Variants in FRMD4A observed in about 807,000 individuals in gnomAD.
FRMD4A encodes FERM domain-containing protein 4A.
FRMD4A carries 29 observed loss-of-function variants against 129.1 expected under a neutral mutation model. The observed-to-expected ratio is 0.22, with a 90% CI of 0.17 to 0.31. The LOEUF (loss-of-function observed/expected upper bound fraction) is 0.31, where lower values mean the gene tolerates loss of function less well. Among genes scored for constraint, FRMD4A ranks in the 10% least tolerant of loss-of-function variants. The pLI, the probability that FRMD4A is intolerant of heterozygous loss-of-function variation, is 1.00. For missense variants in FRMD4A, 1,272 were observed against 1,375.8 expected (o/e 0.92, Z 1.19); for synonymous variants, 634 against 571.6 (o/e 1.11, Z -1.56).
intron 2 of FRMD4A, among the ~76,000 whole-genome samples, chr10:14,157,826 A>G (rs890524756): frequency 6.6e-6 from 1 of 152,188 alleles, no homozygotes; most frequent in African/African-American, 2.4e-5. Flanking sequence ...TGGTGAGTGG[A>G]GATCTAGGAA....
chr10:13,740,441 ACAAT>A, intron 10 of FRMD4A, 67 bp downstream of exon 10: 1 of 980,906 alleles, frequency 1.0e-6, no homozygotes, highest in Non-Finnish European at 1.6e-6. Context: ...GAGGAACTGA[ACAAT>A]CCTGACATAC....
intron 2 of FRMD4A, among the ~76,000 whole-genome samples, chr10:14,217,095 C>T (rs1409898730): frequency 6.6e-6 from 1 of 152,210 alleles, no homozygotes; most frequent in African/African-American, 2.4e-5. Context: ...TGTCACTATA[C>T]TTGATTCAGT....
intron 13 of FRMD4A, among the ~76,000 whole-genome samples, chr10:13,704,164 T>C (rs970609655): frequency 1.3e-5 from 2 of 152,188 alleles, no homozygotes; most frequent in African/African-American, 4.8e-5. Context: ...AAGGCACCAC[T>C]AGGATGTGAA....
chr10:13,982,511 A>C, intron 2 of FRMD4A, among the ~76,000 whole-genome samples: 1 of 144,770 alleles, frequency 6.9e-6, no homozygotes. Flanking sequence ...GGGGGAAGGG[A>C]TCCTCTGACC....
chr10:14,096,615 C>T (rs1251556002), intron 2 of FRMD4A, among the ~76,000 whole-genome samples: 2 of 152,118 alleles, frequency 1.3e-5, no homozygotes, highest in African/African-American at 2.4e-5. Flanking sequence ...AAACATAAAT[C>T]ACCTAAAGAG....
chr10:14,001,142 G>C (rs2095641516), intron 2 of FRMD4A, among the ~76,000 whole-genome samples: 1 of 152,152 alleles, frequency 6.6e-6, no homozygotes, highest in African/African-American at 2.4e-5. Context: ...TGGGGCAGCT[G>C]TTCTCAGTGT....
In FRMD4A at chr10:13,884,176, TCA is replaced by T. The variant is rs1368255816; in HGVS notation, c.46-25266_46-25265del. ...CACTCTCACACACACACTCACACAC[TCA>T]CACACACACACACACACTCACACAC... On this transcript the variant is annotated intron_variant, in intron 2 of 24. Transcript: ENST00000357447. Among the ~76,000 whole-genome samples, 63 of 31,154 alleles carry T rather than the reference TCA, an allele frequency of 2.0e-3. 3 individuals are homozygous for T. Among genetic ancestry groups the T allele is most frequent in the South Asian group, 4.6e-3 (3 of 654 alleles). The allele number at this position is 31,154 out of a possible 152,430, so 20.4% of individuals were successfully genotyped here.
chr10:13,884,198 A>ACACACTCT (rs2094588829), intron 2 of FRMD4A, among the ~76,000 whole-genome samples: 1 of 65,142 alleles, frequency 1.5e-5, no homozygotes, highest in African/African-American at 6.2e-5. Flanking sequence ...ACACACACTC[A>ACACACTCT]CACACACACT....
intron 8 of FRMD4A, among the ~76,000 whole-genome samples, chr10:13,755,868 G>A (rs1168806638): frequency 6.6e-6 from 1 of 152,166 alleles, no homozygotes; most frequent in Non-Finnish European, 1.5e-5. Flanking sequence ...CAAAACCTGA[G>A]TTCTTTTCCT....
chr10:13,976,483 A>G (rs747770200), intron 2 of FRMD4A, among the ~76,000 whole-genome samples: 11 of 151,782 alleles, frequency 7.2e-5, no homozygotes, highest in Non-Finnish European at 1.0e-4. Flanking sequence ...CCTATCTCGG[A>G]GTTTCTGTGT....
chr10:14,183,690 A>G (rs898838236), intron 2 of FRMD4A, among the ~76,000 whole-genome samples: 2 of 152,216 alleles, frequency 1.3e-5, no homozygotes, highest in African/African-American at 4.8e-5. Context: ...CTATTTTGCA[A>G]ATTGAATCTT....
chr10:14,111,922 TGGAA>T (rs1187520093), intron 2 of FRMD4A, among the ~76,000 whole-genome samples: 50 of 130,510 alleles, frequency 3.8e-4, no homozygotes, highest in South Asian at 7.8e-4. Context: ...TCCATGATTA[TGGAA>T]GGAAGGAAGG....
rs549249021 is a variant in FRMD4A, at chr10:14,220,044, C to CTACTGTCCATGACGACCA, written c.45+109996_45+110013dup. ...CGAAGCAGTTTTCATGCCAGGGTGT[C>CTACTGTCCATGACGACCA]TACTGTCCATGACGACCATGTGGTC... On this transcript the variant is annotated intron_variant, in intron 2 of 24. Transcript: ENST00000357447. 5.9e-5 allele frequency among the ~76,000 whole-genome samples: 9 copies of CTACTGTCCATGACGACCA among 152,300 alleles called. 1 individual carries two copies. Among genetic ancestry groups the CTACTGTCCATGACGACCA allele is most frequent in the African/African-American group, 2.2e-4 (9 of 41,554 alleles).
rs187171983 is a variant in FRMD4A at position 13,652,358 on chromosome 10, C to T, written c.3051-384G>A. 339 of 223,690 alleles carry T rather than the reference C, an allele frequency of 1.5e-3. 2 individuals are homozygous for T. The highest frequency in any genetic ancestry group is 0.012 in the Admixed American group (225 of 18,812). 13.9% of individuals were successfully genotyped at this position (223,690 alleles called of 1,614,324 possible). A position where few individuals can be genotyped will look rare whatever the true frequency, so the allele number is the denominator to read the frequency against. On this transcript the variant is annotated intron_variant, in intron 23 of 24. Coordinates refer to ENST00000357447, the MANE Select transcript of FRMD4A (RefSeq NM_018027.5). ...GACCCTGAGGAGGGCTTGTACATTT[C>T]GGAGCCTGTTGACAGCCAAATAATA...
chr10:13,714,911 C>T (rs765021190), intron 12 of FRMD4A, among the ~76,000 whole-genome samples: 13 of 152,028 alleles, frequency 8.6e-5, no homozygotes, highest in Non-Finnish European at 1.6e-4. Context: ...TGGTGGCTCA[C>T]GCCTGTAGTC....
chr10:14,066,006 A>G (rs141172674), intron 2 of FRMD4A, among the ~76,000 whole-genome samples: 106 of 29,226 alleles, frequency 3.6e-3, no homozygotes, highest in African/African-American at 0.011. Context: ...GGGGGTATGT[A>G]TTTGTGTGTG....
At chr10:14,115,503 A>G (rs184775651) in intron 2 of FRMD4A, among the ~76,000 whole-genome samples, 36 of 152,300 alleles carry the variant, frequency 2.4e-4, no homozygotes, top group African/African-American at 8.4e-4. Context: ...AGACATTGAT[A>G]AAGTTTGGAT....
At chr10:14,328,626 A>ATGTG (rs58681647) in intron 2 of FRMD4A, among the ~76,000 whole-genome samples, 6,851 of 142,504 alleles carry the variant, frequency 0.048, 455 homozygotes, top group African/African-American at 0.15. Context: ...ATACATATGC[A>ATGTG]TGTGTGTGTG....
At chr10:14,229,522 C>T (rs956172897) in intron 2 of FRMD4A, among the ~76,000 whole-genome samples, 3 of 152,130 alleles carry the variant, frequency 2.0e-5, no homozygotes, top group South Asian at 2.1e-4. Flanking sequence ...ACTGCAGCCT[C>T]GACCTCCCAT....
Sources: gnomAD v4.1 joint callset for allele counts (sites outside exome capture counted in the v4.1 genomes callset) on GRCh38, gnomAD v4.1.1 for gene constraint, MANE v1.5 for transcripts, NCBI Gene and HGNC (gene_info 2026-07-23, HGNC 2026-07-21) for gene names.